MGST1: variants seen among roughly 807,000 people sequenced by gnomAD.
MGST1 encodes glutathione S-transferase 12.
MGST1 carries 5 observed loss-of-function variants against 8.9 expected under a neutral mutation model. The observed-to-expected ratio is 0.56, with a 90% CI of 0.29 to 1.19. MGST1 has a LOEUF of 1.19. Among genes scored for constraint, MGST1 ranks in the 50% most tolerant of loss-of-function variants. The probability of loss-of-function intolerance (pLI) is 0.08; values close to 1 mark genes in which losing one functional copy is unlikely to be tolerated. For missense variants in MGST1, 182 were observed against 187.4 expected (o/e 0.97, Z 0.17); for synonymous variants, 54 against 67.8 (o/e 0.80, Z 1.00).
intron 4 of MGST1, among the ~76,000 whole-genome samples, chr12:16,520,841 G>A (rs1313644319): frequency 6.6e-6 from 1 of 152,158 alleles, no homozygotes; most frequent in African/African-American, 2.4e-5. Flanking sequence ...TGAGTTGTAA[G>A]GAGCCTGTTT....
chr12:16,404,011 T>A (rs888485034), intron 1 of MGST1, among the ~76,000 whole-genome samples: 2 of 152,234 alleles, frequency 1.3e-5, no homozygotes, highest in African/African-American at 2.4e-5. Flanking sequence ...TCTGATTTTT[T>A]AATATCAATT....
intron 3 of MGST1, chr12:16,360,408 AC>A: frequency 1.0e-6 from 1 of 969,584 alleles, no homozygotes; most frequent in Non-Finnish European, 1.2e-6. Context: ...GAAAGTTAAT[AC>A]ATACACATAT....
rs1452198130 is a variant in MGST1 at position 16,576,117 on chromosome 12, A to C, written n.483-13411A>C. Among the ~76,000 whole-genome samples the C allele has an allele frequency of 6.6e-6, 1 of 152,084 alleles. No individual in the cohort carries two copies. Among genetic ancestry groups the C allele is most frequent in the Non-Finnish European group, 1.5e-5 (1 of 67,990 alleles). On this transcript the variant is annotated intron_variant and non_coding_transcript_variant, in intron 4 of 4. Coordinates refer to the MGST1 transcript ENST00000538857. This position sits in a 1 kb window ranked among gnomAD's most constrained non-coding sequence, Gnocchi z 4.1. ...CCTTGCACTCATACTACAACCTCCC[A>C]GCTGAACATCTTTCCACCAGCCTGC...
intron 1 of MGST1, among the ~76,000 whole-genome samples, chr12:16,429,752 T>C (rs535153895): frequency 6.6e-6 from 1 of 152,334 alleles, no homozygotes; most frequent in East Asian, 1.9e-4. Flanking sequence ...TTTGCAACTT[T>C]AGCAAGTCAT....
chr12:16,588,672 G>A (rs1943314528), intron 4 of MGST1, among the ~76,000 whole-genome samples: 1 of 152,060 alleles, frequency 6.6e-6, no homozygotes, highest in African/African-American at 2.4e-5. Context: ...AATCTCCAGT[G>A]TTGAGATATT....
chr12:16,398,825 A>G (rs1461067843), intron 1 of MGST1, among the ~76,000 whole-genome samples: 1 of 152,170 alleles, frequency 6.6e-6, no homozygotes, highest in Non-Finnish European at 1.5e-5. Context: ...TAAAACTTAA[A>G]GAGATGTGAG....
At chr12:16,483,429 T>A (rs1941378270) in intron 4 of MGST1, among the ~76,000 whole-genome samples, 1 of 152,060 alleles carries the variant, frequency 6.6e-6, no homozygotes, top group African/African-American at 2.4e-5. Context: ...ATACTTGGAA[T>A]CAAACCCTCG....
rs1046154893 is a variant in MGST1 at position 16,444,532 on chromosome 12, A to C, written n.482+60928A>C. ...CAGTATCTTTCAAAGTAACTCCTAC[A>C]TGTGACTTCAATACAGACACCATCA... On this transcript the variant is annotated intron_variant and non_coding_transcript_variant, in intron 4 of 4. Transcript: ENST00000538857. Among the ~76,000 whole-genome samples the C allele has an allele frequency of 5.5e-4, 84 of 152,026 alleles. 1 individual carries two copies. The highest frequency in any genetic ancestry group is 1.9e-3 in the African/African-American group (81 of 41,542).
intron 1 of MGST1, among the ~76,000 whole-genome samples, chr12:16,409,294 G>C (rs1277985083): frequency 6.6e-6 from 1 of 151,934 alleles, no homozygotes. Flanking sequence ...GTGTGTGTAT[G>C]TGTGTGTATA....
At chr12:16,457,788 A>G (rs888821862) in intron 4 of MGST1, among the ~76,000 whole-genome samples, 1 of 152,026 alleles carries the variant, frequency 6.6e-6, no homozygotes, top group Admixed American at 6.6e-5. Context: ...AAAACTGCCT[A>G]TGAAATTTTC....
At chr12:16,539,537 G>A (rs1259726245) in intron 4 of MGST1, among the ~76,000 whole-genome samples, 2 of 152,068 alleles carry the variant, frequency 1.3e-5, no homozygotes, top group Non-Finnish European at 2.9e-5. Context: ...CCTAAGTGTC[G>A]TGGAGGTGTA....
chr12:16,452,733 TA>T (rs1941139906), intron 4 of MGST1, among the ~76,000 whole-genome samples: 1 of 151,838 alleles, frequency 6.6e-6, no homozygotes, highest in Non-Finnish European at 1.5e-5. Flanking sequence ...TTATTTAAAC[TA>T]AAAAATGTTT....
rs1941761672 is a variant in MGST1 at position 16,537,285 on chromosome 12, G to A, written n.483-52243G>A. On this transcript the variant is annotated intron_variant and non_coding_transcript_variant, in intron 4 of 4. Transcript: ENST00000538857. This position sits in a 1 kb window ranked among gnomAD's most constrained non-coding sequence, Gnocchi z 4.6. ...CCAGGTCATGCTGATGCAAGAGGTA[G>A]GTTCCCATAGTCTTGGGCAACTCCA... Among the ~76,000 whole-genome samples the A allele has an allele frequency of 6.6e-6, 1 of 152,206 alleles. No individual in the cohort carries two copies. Among genetic ancestry groups the A allele is most frequent in the Non-Finnish European group, 1.5e-5 (1 of 68,040 alleles).
In MGST1 at chr12:16,454,808, A is replaced by G. The variant is rs549073538; in HGVS notation, n.482+71204A>G. Among the ~76,000 whole-genome samples, 3 of 149,156 alleles carry G rather than the reference A, an allele frequency of 2.0e-5. No individual in the cohort carries two copies. In the Admixed American group the frequency reaches 2.0e-4, roughly 10 times the overall value. On this transcript the variant is annotated intron_variant and non_coding_transcript_variant, in intron 4 of 4. Transcript: ENST00000538857. ...GGATAAAGGGAAAATTCAAGGCATC[A>G]AAACTGAACTGTCAATGAAACCTGT... is the stretch of plus-strand genomic sequence containing the variant.
intron 4 of MGST1, among the ~76,000 whole-genome samples, chr12:16,532,635 G>T (rs1469187834): frequency 2.0e-5 from 3 of 152,152 alleles, no homozygotes; most frequent in Non-Finnish European, 4.4e-5. Flanking sequence ...GAGTTGGAGT[G>T]TTCAGGGGTA....
chr12:16,368,699 C>A (rs1940236198), downstream of MGST1, among the ~76,000 whole-genome samples: 1 of 152,106 alleles, frequency 6.6e-6, no homozygotes, highest in South Asian at 2.1e-4. Context: ...TGTGGATGAG[C>A]TATAGGACCT....
At chr12:16,462,833 C>T (rs1400454082) in intron 4 of MGST1, among the ~76,000 whole-genome samples, 4 of 152,140 alleles carry the variant, frequency 2.6e-5, no homozygotes, top group Admixed American at 1.3e-4. Context: ...CTCAGATCTC[C>T]TAGCTACAGG....
intron 4 of MGST1, among the ~76,000 whole-genome samples, chr12:16,480,142 C>CT (rs57998683): frequency 0.057 from 7,375 of 129,902 alleles, 321 homozygotes; most frequent in East Asian, 0.18. Context: ...TAAAAATTTG[C>CT]TTTTTTTTTT....
chr12:16,348,782 T>C (rs1377884612), intron 1 of MGST1: 1 of 142,648 alleles, frequency 7.0e-6, no homozygotes, highest in African/African-American at 2.6e-5. Context: ...GGGCTATGTG[T>C]GCGATTATCT....
Sources: allele counts gnomAD v4.1 joint callset (sites outside exome capture counted in the v4.1 genomes callset), GRCh38; gene constraint gnomAD v4.1.1; non-coding constraint Gnocchi (gnomAD v3.1); transcripts MANE v1.5; gene names NCBI Gene and HGNC (gene_info 2026-07-23, HGNC 2026-07-21).